FRMD3: variants seen among roughly 807,000 people sequenced by gnomAD.
FRMD3 encodes FERM domain-containing protein 3.
Under a neutral mutation model 70.2 loss-of-function variants are expected in FRMD3, and 33 were observed. The ratio of observed to expected loss-of-function variants is 0.47; its 90% confidence interval spans 0.36 to 0.63. The LOEUF is 0.63. Among genes scored for constraint, FRMD3 ranks in the 20% least tolerant of loss-of-function variants. FRMD3 has a pLI of 0.00. For missense variants in FRMD3, 632 were observed against 711.4 expected (o/e 0.89, Z 1.27); for synonymous variants, 279 against 255.9 (o/e 1.09, Z -0.86).
chr9:83,559,929 C>A, the FRMD3 span, among the ~76,000 whole-genome samples: 1 of 151,870 alleles, frequency 6.6e-6, no homozygotes, highest in Non-Finnish European at 1.5e-5. Context: ...TTATTATAAT[C>A]TTATTATAAG....
intron 6 of FRMD3, among the ~76,000 whole-genome samples, chr9:83,320,472 G>A (rs1327427511): frequency 6.6e-6 from 1 of 151,904 alleles, no homozygotes; most frequent in Non-Finnish European, 1.5e-5. Context: ...TATGTATATT[G>A]AACAATCATT....
intron 10 of FRMD3, among the ~76,000 whole-genome samples, chr9:83,301,482 T>TA (rs1564003791): frequency 6.6e-6 from 1 of 151,110 alleles, no homozygotes; most frequent in African/African-American, 2.4e-5. Flanking sequence ...TGTTTTTTTT[T>TA]AATTCCAAGT....
chr9:83,557,553 C>T, the FRMD3 span, among the ~76,000 whole-genome samples: 22 of 152,188 alleles, frequency 1.4e-4, no homozygotes, highest in African/African-American at 3.6e-4. Flanking sequence ...GATGACATTT[C>T]GTATAATGTA....
At chr9:83,409,930 T>C (rs963876973) in intron 1 of FRMD3, among the ~76,000 whole-genome samples, 1 of 152,214 alleles carries the variant, frequency 6.6e-6, no homozygotes, top group African/African-American at 2.4e-5. Flanking sequence ...GAGCATTCCC[T>C]GGATCAAGTG....
At chr9:83,540,739 T>G (rs1829990846), upstream of FRMD3, among the ~76,000 whole-genome samples, 1 of 152,202 alleles carries the variant, frequency 6.6e-6, no homozygotes, top group African/African-American at 2.4e-5. Context: ...AGAAAAGTAG[T>G]GATGCACTAA....
In FRMD3 at chr9:83,538,308, C is replaced by T; in HGVS notation, c.-77G>A. ...GCCTGCGCGGACACACACGCTCGCA[C>T]GCACTGTCCGGGACACCTGGGCGCG... is the stretch of plus-strand genomic sequence containing the variant. On this transcript the variant is annotated 5_prime_UTR_variant, in exon 1 of 14. It adds an upstream start codon to the 5' untranslated region. Coordinates refer to ENST00000304195, the MANE Select transcript of FRMD3 (RefSeq NM_174938.6). This position sits in a 1 kb window ranked among gnomAD's most constrained non-coding sequence, Gnocchi z 4.7. The T allele has an allele frequency of 6.9e-7, 1 of 1,449,156 alleles. No individual in the cohort carries two copies. Among genetic ancestry groups the T allele is most frequent in the South Asian group, 1.3e-5 (1 of 75,208 alleles). The allele number at this position is 1,449,156 out of a possible 1,614,324, so 89.8% of individuals were successfully genotyped here.
Position 83,343,060 on chromosome 9 carries a change from G to A in FRMD3, c.472+130C>T, listed in dbSNP as rs536497024. ...AGGTGAGTTGGGGTTCTGTTGCTAC[G>A]TACCCAGCCCTACATGGTCTCCAGC... On this transcript the variant is annotated intron_variant, in intron 5 of 13. Coordinates refer to ENST00000304195, the MANE Select transcript of FRMD3 (RefSeq NM_174938.6). The A allele has an allele frequency of 6.1e-4, 429 of 703,290 alleles. 4 individuals are homozygous for A. Among genetic ancestry groups the A allele is most frequent in the African/African-American group, 2.8e-3 (161 of 56,572 alleles). 43.6% of individuals were successfully genotyped at this position (703,290 alleles called of 1,614,324 possible). A position where few individuals can be genotyped will look rare whatever the true frequency, so the allele number is the denominator to read the frequency against.
intron 6 of FRMD3, among the ~76,000 whole-genome samples, chr9:83,315,559 C>T (rs1835537517): frequency 6.6e-6 from 1 of 152,090 alleles, no homozygotes; most frequent in Non-Finnish European, 1.5e-5. Context: ...TAGCACCTCC[C>T]CCTGCTCTCT....
Position 83,309,199 on chromosome 9 carries a change from G to A in FRMD3, c.926+337C>T, listed in dbSNP as rs777470775. 1.5e-4 allele frequency among the ~76,000 whole-genome samples: 23 copies of A among 151,992 alleles called. No homozygotes were observed. In the Middle Eastern group the frequency reaches 0.01, roughly 67 times the overall value. ...TCAAGGTCTGCTTTGTGGGGGTGGGGGGAGGAGGGCAACCAAAAATTGATC... is the reference window on the plus strand; with the variant it reads ...TCAAGGTCTGCTTTGTGGGGGTGGGAGGAGGAGGGCAACCAAAAATTGATC... On this transcript the variant is annotated intron_variant, in intron 10 of 13. Coordinates refer to ENST00000304195, the MANE Select transcript of FRMD3 (RefSeq NM_174938.6).
At chr9:83,284,516 G>A (rs1170230147) in intron 13 of FRMD3, among the ~76,000 whole-genome samples, 1 of 152,230 alleles carries the variant, frequency 6.6e-6, no homozygotes, top group Non-Finnish European at 1.5e-5. Context: ...GCTGAGGCAG[G>A]AGAATGGCTT....
chr9:83,496,167 G>A (rs1467333654), intron 1 of FRMD3, among the ~76,000 whole-genome samples: 1 of 152,124 alleles, frequency 6.6e-6, no homozygotes, highest in Non-Finnish European at 1.5e-5. Context: ...TTTTTTAATG[G>A]TAAAGGCATG....
intron 1 of FRMD3, among the ~76,000 whole-genome samples, chr9:83,390,242 G>C (rs1260184820): frequency 6.6e-6 from 1 of 152,236 alleles, no homozygotes; most frequent in Admixed American, 6.5e-5. Flanking sequence ...GACAGGATTT[G>C]AGCCAGGCCA....
At chr9:83,322,603 T>C (rs1049887854) in intron 6 of FRMD3, among the ~76,000 whole-genome samples, 11 of 152,182 alleles carry the variant, frequency 7.2e-5, no homozygotes, top group Non-Finnish European at 2.9e-5. Context: ...TGGGATTCCA[T>C]GTGGGTTCTC....
chr9:83,563,071 A>C, the FRMD3 span, among the ~76,000 whole-genome samples: 1 of 152,212 alleles, frequency 6.6e-6, no homozygotes, highest in South Asian at 2.1e-4. Flanking sequence ...TATGCCCAAA[A>C]TTACACAATG....
intron 4 of FRMD3, among the ~76,000 whole-genome samples, chr9:83,348,492 T>C (rs1207454931): frequency 1.3e-5 from 2 of 152,182 alleles, no homozygotes; most frequent in Non-Finnish European, 2.9e-5. Context: ...GAGTGACTTC[T>C]ATGGGGTACA....
chr9:83,547,579 C>G, the FRMD3 span, among the ~76,000 whole-genome samples: 1 of 151,942 alleles, frequency 6.6e-6, no homozygotes, highest in African/African-American at 2.4e-5. Context: ...TACAGCAATG[C>G]AATAATAGTG....
intron 1 of FRMD3, among the ~76,000 whole-genome samples, chr9:83,441,829 C>T (rs1587855768): frequency 6.6e-6 from 1 of 152,118 alleles, no homozygotes; most frequent in East Asian, 1.9e-4. Context: ...CCTGCCTTTA[C>T]ATACAAACAG....
At chr9:83,431,162 G>A (rs3893399) in intron 1 of FRMD3, among the ~76,000 whole-genome samples, 17,943 of 152,218 alleles carry the variant, frequency 0.12, 1,259 homozygotes, top group African/African-American at 0.18. Flanking sequence ...TCTTGGGAAT[G>A]TCCAATAGCG....
intron 13 of FRMD3, among the ~76,000 whole-genome samples, chr9:83,272,437 G>A (rs1157890017): frequency 2.0e-5 from 3 of 152,070 alleles, no homozygotes; most frequent in Admixed American, 1.3e-4. Flanking sequence ...GAGTGCAGTG[G>A]CGTGATCCCC....
Sources: allele counts gnomAD v4.1 joint callset (sites outside exome capture counted in the v4.1 genomes callset), GRCh38; gene constraint gnomAD v4.1.1; non-coding constraint Gnocchi (gnomAD v3.1); transcripts MANE v1.5; gene names NCBI Gene and HGNC (gene_info 2026-07-23, HGNC 2026-07-21).